The following DNM1 variants were observed in gnomAD, a reference collection of about 807,000 sequenced individuals.
DNM1 encodes the protein dynamin 1, also known as dynamin-1.
In DNM1, 29 loss-of-function variants were observed where a neutral mutation model predicts 104.6. That is an observed-to-expected ratio of 0.28 (90% CI 0.21 to 0.38). The LOEUF (loss-of-function observed/expected upper bound fraction) is 0.38. Among genes scored for constraint, DNM1 ranks in the 10% least tolerant of loss-of-function variants. The pLI is 1.00. For missense variants in DNM1, 640 were observed against 1,189.4 expected (o/e 0.54, Z 6.79); for synonymous variants, 445 against 475.8 (o/e 0.94, Z 0.84).
chr9:128,238,962 G>A (rs937811020), intron 11 of DNM1, among the ~76,000 whole-genome samples: 1 of 151,486 alleles, frequency 6.6e-6, no homozygotes, highest in Admixed American at 6.6e-5. Flanking sequence ...GCCAATTTGT[G>A]ATTTTCTTTC....
rs1399664504 is a variant in DNM1, at chr9:128,250,840, G to A, written c.2434G>A (p.Ala812Thr). 7.7e-7 allele frequency: 1 copy of A among 1,304,244 alleles called. No homozygotes were observed. The highest frequency in any genetic ancestry group is 3.1e-5 in the East Asian group (1 of 32,270). The allele number at this position is 1,304,244 out of a possible 1,614,324, so 80.8% of individuals were successfully genotyped here. ...PPPAGSALGG[A>T]PPVPSRPGAS... is the part of the protein sequence containing the mutation. ...GCCTGCTGGGTCCGCCCTGGGGGGGGCGCCCCCCGTGCCCTCCAGGCCGGG... is the reference window on the plus strand; with the variant it reads ...GCCTGCTGGGTCCGCCCTGGGGGGGACGCCCCCCGTGCCCTCCAGGCCGGG... The change falls in exon 21 of 22, where the codon GCG becomes ACG. Residue 812 changes from alanine to threonine, a missense_variant. By Grantham distance (58) the Ala-to-Thr change is moderately conservative (BLOSUM62 0). Transcript: ENST00000372923.
chr9:128,215,374 A>C lies in DNM1; in HGVS notation c.162-2857A>C, dbSNP rs146320150. Among the ~76,000 whole-genome samples the C allele has an allele frequency of 5.6e-3, 856 of 152,328 alleles. 9 individuals are homozygous for C. Among genetic ancestry groups the C allele is most frequent in the African/African-American group, 0.02 (818 of 41,576 alleles). ...AGATTCTAGCCCAGCATGCCTGAGG[A>C]GCATGCGTCTGGACAAACTACCCAA... On this transcript the variant is annotated intron_variant, in intron 1 of 21. Coordinates refer to ENST00000372923, the MANE Select transcript of DNM1 (RefSeq NM_004408.4).
chr9:128,218,936 C>T lies in DNM1; in HGVS notation c.386-113C>T. On this transcript the variant is annotated intron_variant, in intron 3 of 21. Transcript: ENST00000372923. The surrounding 1 kb of genome is among the most constrained non-coding windows in gnomAD (Gnocchi z 4.8). ...ACTTTCGCCCTGAGATTTCCTAGTC[C>T]CACCCACCTGCCACCCTGCTCCCAA... is the stretch of plus-strand genomic sequence containing the variant. 1.5e-6 allele frequency: 2 copies of T among 1,348,698 alleles called. No homozygotes were observed. 83.5% of individuals were successfully genotyped at this position (1,348,698 alleles called of 1,614,324 possible).
Position 128,237,586 on chromosome 9 carries a change from AC to A in DNM1, c.1423-1858del, listed in dbSNP as rs1400066513. ...GCCCGGCCTGTCCTTGTTCTTTTGA[AC>A]AGCTGCAGGGTGCTTTCTTGTCTAG... On this transcript the variant is annotated intron_variant, in intron 11 of 21. Coordinates refer to ENST00000372923, the MANE Select transcript of DNM1 (RefSeq NM_004408.4). 2.0e-5 allele frequency among the ~76,000 whole-genome samples: 3 copies of A among 151,588 alleles called. No homozygotes were observed. In the East Asian group the frequency reaches 5.9e-4, roughly 30 times the overall value.
chr9:128,215,055 C>T (rs1013816198), intron 1 of DNM1, among the ~76,000 whole-genome samples: 28 of 152,358 alleles, frequency 1.8e-4, no homozygotes, highest in African/African-American at 6.0e-4. Flanking sequence ...CTACTACGTG[C>T]GGGGCCTGTG....
intron 9 of DNM1, chr9:128,223,964 G>T (rs1016386141): frequency 9.2e-6 from 2 of 217,850 alleles, no homozygotes; most frequent in Non-Finnish European, 1.8e-5. Flanking sequence ...CAGGAGAATG[G>T]CGTGAACCCG....
rs373421556 is a variant in DNM1, at chr9:128,203,757, C to A, written c.161+126C>A. 31 of 890,158 alleles carry A rather than the reference C, an allele frequency of 3.5e-5. No individual in the cohort carries two copies. The highest frequency in any genetic ancestry group is 1.2e-4 in the South Asian group (3 of 24,056). The allele number at this position is 890,158 out of a possible 1,614,324, so 55.1% of individuals were successfully genotyped here. On this transcript the variant is annotated intron_variant, in intron 1 of 21. Transcript: ENST00000372923. This position sits in a 1 kb window ranked among gnomAD's most constrained non-coding sequence, Gnocchi z 5.3. Reference sequence around the variant, plus strand: ...CTGCACCCGCGGCCGGCGCGCCCCCCACCCCCAGCCGGAGCGAGGAGGCCC... The same window carrying A: ...CTGCACCCGCGGCCGGCGCGCCCCCAACCCCCAGCCGGAGCGAGGAGGCCC...
At chr9:128,211,060 G>A (rs1834260989) in intron 1 of DNM1, among the ~76,000 whole-genome samples, 1 of 152,106 alleles carries the variant, frequency 6.6e-6, no homozygotes, top group East Asian at 1.9e-4. Context: ...GAGGCCCCAA[G>A]ATCAACTGCC....
rs915831498 is a variant in DNM1 at position 128,254,631 on chromosome 9, T to C, written c.2535-23T>C. 8 of 1,594,974 alleles carry C rather than the reference T, an allele frequency of 5.0e-6. No homozygotes were observed. The highest frequency in any genetic ancestry group is 6.8e-6 in the Non-Finnish European group (8 of 1,178,964). On this transcript the variant is annotated intron_variant, in intron 21 of 21. Transcript: ENST00000372923. The surrounding 1 kb of genome is among the most constrained non-coding windows in gnomAD (Gnocchi z 6.1). ...CCTCGCTTTTCTCTCCCGTTTTCTC[T>C]CTGCTTTCTCTCCAACTGCCAGCCG...
Position 128,218,668 on chromosome 9 carries a change from G to A in DNM1, c.322G>A (p.Val108Ile), listed in dbSNP as rs1834757047. 6.2e-7 allele frequency: 1 copy of A among 1,613,318 alleles called. No individual in the cohort carries two copies. The highest frequency in any genetic ancestry group is 8.5e-7 in the Non-Finnish European group (1 of 1,179,586). Reference protein sequence around the residue: ...RLEIEAETDRVTGTNKGISPV... With the variant: ...RLEIEAETDRITGTNKGISPV... ...TGAGATCGAGGCCGAGACCGACAGGGTCACCGGCACCAACAAGGGCATCTC... is the reference window on the plus strand; with the variant it reads ...TGAGATCGAGGCCGAGACCGACAGGATCACCGGCACCAACAAGGGCATCTC... Residue 108 changes from valine to isoleucine, a missense_variant, in exon 3 of 22, where the codon GTC becomes ATC. Physicochemically the swap from Val to Ile is conservative, Grantham distance 29 (BLOSUM62 3). Coordinates refer to ENST00000372923, the MANE Select transcript of DNM1 (RefSeq NM_004408.4). This position sits in a 1 kb window ranked among gnomAD's most constrained non-coding sequence, Gnocchi z 4.8.
Position 128,220,449 on chromosome 9 carries a change from T to C in DNM1, c.849+108T>C, listed in dbSNP as rs1834872829. 4.3e-6 allele frequency: 6 copies of C among 1,389,966 alleles called. No homozygotes were observed. The highest frequency in any genetic ancestry group is 1.4e-5 in the African/African-American group (1 of 70,010). The allele number at this position is 1,389,966 out of a possible 1,614,324, so 86.1% of individuals were successfully genotyped here. On this transcript the variant is annotated intron_variant, in intron 6 of 21. Transcript: ENST00000372923. This position sits in a 1 kb window ranked among gnomAD's most constrained non-coding sequence, Gnocchi z 5.2. ...GAGGTTAGCCTCTCCGTAGTGCAGATAGACAAACTGAGCCTCAGAAAAGCA... is the reference window on the plus strand; with the variant it reads ...GAGGTTAGCCTCTCCGTAGTGCAGACAGACAAACTGAGCCTCAGAAAAGCA...
intron 10 of DNM1, chr9:128,232,127 T>G (rs946260986): frequency 4.5e-6 from 2 of 444,928 alleles, no homozygotes; most frequent in African/African-American, 4.0e-5. Context: ...TCCAGGCGGT[T>G]AGTGGGAGAA....
At chr9:128,205,880 C>T (rs1833927563) in intron 1 of DNM1, among the ~76,000 whole-genome samples, 1 of 152,176 alleles carries the variant, frequency 6.6e-6, no homozygotes. Flanking sequence ...CCCCAGGAGG[C>T]CTGGGCCCTC....
Position 128,240,110 on chromosome 9 carries a change from C to T in DNM1, c.1557+114C>T. On this transcript the variant is annotated intron_variant, in intron 14 of 21. Coordinates refer to ENST00000372923, the MANE Select transcript of DNM1 (RefSeq NM_004408.4). The surrounding 1 kb of genome is among the most constrained non-coding windows in gnomAD (Gnocchi z 5.1). ...CCCTTTGGCTGAAGCTGCTTGTACA[C>T]ACCAGCCCCTGGCATTTCACACCTG... 8.0e-7 allele frequency: 1 copy of T among 1,245,226 alleles called. No individual in the cohort carries two copies. The highest frequency in any genetic ancestry group is 1.2e-5 in the South Asian group (1 of 83,284). 77.1% of individuals were successfully genotyped at this position (1,245,226 alleles called of 1,614,324 possible). A position where few individuals can be genotyped will look rare whatever the true frequency, so the allele number is the denominator to read the frequency against.
chr9:128,238,934 C>T (rs1836187004), intron 11 of DNM1, among the ~76,000 whole-genome samples: 2 of 151,914 alleles, frequency 1.3e-5, no homozygotes, highest in African/African-American at 4.8e-5. Flanking sequence ...GGATTACAGG[C>T]GTGAGCCACC....
chr9:128,247,893 CG>C lies in DNM1; in HGVS notation c.1894-29del. 6.2e-7 allele frequency: 1 copy of C among 1,610,786 alleles called. No homozygotes were observed. The highest frequency in any genetic ancestry group is 8.5e-7 in the Non-Finnish European group (1 of 1,177,982). ...CGGCTGTGCTCCCTGGTGGTGGCGG[CG>C]GTGGCAATGTTGGTGTGTGGGCCTC... On this transcript the variant is annotated intron_variant, in intron 17 of 21. Transcript: ENST00000372923. The surrounding 1 kb of genome is among the most constrained non-coding windows in gnomAD (Gnocchi z 5.1).
At chr9:128,242,032 C>T (rs1836399485) in intron 14 of DNM1, among the ~76,000 whole-genome samples, 200 bp from the exon 15 acceptor site, 1 of 152,220 alleles carries the variant, frequency 6.6e-6, no homozygotes, top group South Asian at 2.1e-4. Flanking sequence ...TTATCCTGAG[C>T]TGATCTCTGC....
At chr9:128,229,806 G>A (rs961877717) in intron 10 of DNM1, among the ~76,000 whole-genome samples, 2 of 152,020 alleles carry the variant, frequency 1.3e-5, no homozygotes, top group African/African-American at 2.4e-5. Flanking sequence ...TCAGCCACTC[G>A]GGAGGCTGAG....
rs1444249997 is a variant in DNM1 at position 128,243,883 on chromosome 9, CAT to C, written c.1671+1541_1671+1542del. Reference sequence around the variant, plus strand: ...CGTGTGCGAAAACAGCTCTGAGAATCATATGTGGGGAGATGGGAGTCAGCTGT... The same window carrying C: ...CGTGTGCGAAAACAGCTCTGAGAATCATGTGGGGAGATGGGAGTCAGCTGT... On this transcript the variant is annotated intron_variant, in intron 15 of 21. Coordinates refer to ENST00000372923, the MANE Select transcript of DNM1 (RefSeq NM_004408.4). This position sits in a 1 kb window ranked among gnomAD's most constrained non-coding sequence, Gnocchi z 4.0. Among the ~76,000 whole-genome samples the C allele has an allele frequency of 6.6e-6, 1 of 151,712 alleles. No individual in the cohort carries two copies. Among genetic ancestry groups the C allele is most frequent in the Non-Finnish European group, 1.5e-5 (1 of 68,008 alleles).
Sources: gnomAD v4.1 joint callset for allele counts (sites outside exome capture counted in the v4.1 genomes callset) on GRCh38, gnomAD v4.1.1 for gene constraint, Gnocchi (gnomAD v3.1) non-coding constraint, MANE v1.5 for transcripts, NCBI Gene and HGNC (gene_info 2026-07-23, HGNC 2026-07-21) for gene names.